MYH10: variants seen among roughly 807,000 people sequenced by gnomAD.
MYH10 encodes myosin-10.
MYH10 carries 55 observed loss-of-function variants against 257.8 expected under a neutral mutation model. The ratio of observed to expected loss-of-function variants is 0.21; its 90% confidence interval spans 0.17 to 0.27. The LOEUF (loss-of-function observed/expected upper bound fraction) is 0.27. MYH10 is among the 10% of genes least tolerant of loss of function. MYH10 has a pLI of 1.00. For missense variants in MYH10, 1,631 were observed against 2,500.6 expected (o/e 0.65, Z 7.42); for synonymous variants, 854 against 921.7 (o/e 0.93, Z 1.33).
Position 8,535,120 on chromosome 17 carries a change from C to G in MYH10, c.1894+267G>C, listed in dbSNP as rs891993804. On this transcript the variant is annotated intron_variant, in intron 16 of 42. Coordinates refer to ENST00000360416, the MANE Select transcript of MYH10 (RefSeq NM_001256012.3). This position sits in a 1 kb window ranked among gnomAD's most constrained non-coding sequence, Gnocchi z 4.3. Reference sequence around the variant, plus strand: ...TGGGACTGTGGTGGCCTAAGTCATACGTGTACGTCTTTGTGGCTCCGGGCC... The same window carrying G: ...TGGGACTGTGGTGGCCTAAGTCATAGGTGTACGTCTTTGTGGCTCCGGGCC... Among the ~76,000 whole-genome samples, 2 of 152,094 alleles carry G rather than the reference C, an allele frequency of 1.3e-5. No individual in the cohort carries two copies. Among genetic ancestry groups the G allele is most frequent in the African/African-American group, 4.8e-5 (2 of 41,406 alleles).
rs565562986 is a variant in MYH10 at position 8,545,288 on chromosome 17, C to T, written c.1431+160G>A. Among the ~76,000 whole-genome samples the T allele has an allele frequency of 9.9e-5, 15 of 152,206 alleles. No individual in the cohort carries two copies. Among genetic ancestry groups the T allele is most frequent in the Non-Finnish European group, 2.2e-4 (15 of 68,040 alleles). ...CTTTCAGTGCATTCTCACAGACCTGCGGATTCACTGATTATTTGCCATTTA... is the reference window on the plus strand; with the variant it reads ...CTTTCAGTGCATTCTCACAGACCTGTGGATTCACTGATTATTTGCCATTTA... On this transcript the variant is annotated intron_variant, in intron 13 of 42. Transcript: ENST00000360416. The surrounding 1 kb of genome is among the most constrained non-coding windows in gnomAD (Gnocchi z 4.7).
chr17:8,560,619 G>A, intron 7 of MYH10: 1 of 899,674 alleles, frequency 1.1e-6, no homozygotes, highest in East Asian at 4.1e-5. Context: ...TTGGTTATAA[G>A]GGTTCCTGCT....
chr17:8,515,295 A>G (rs1001315288), intron 21 of MYH10, among the ~76,000 whole-genome samples: 2 of 152,194 alleles, frequency 1.3e-5, no homozygotes, highest in Non-Finnish European at 2.9e-5. Flanking sequence ...TCACTCCAGC[A>G]AACAGCGGTA....
At chr17:8,479,390 A>G (rs934914260) in intron 40 of MYH10, among the ~76,000 whole-genome samples, 1 of 152,218 alleles carries the variant, frequency 6.6e-6, no homozygotes, top group Admixed American at 6.5e-5. Flanking sequence ...TTGCTTAACA[A>G]ATATTATGCA....
rs901299912 is a variant in MYH10 at position 8,528,157 on chromosome 17, G to A, written c.1957+2466C>T. On this transcript the variant is annotated intron_variant, in intron 17 of 42. Coordinates refer to ENST00000360416, the MANE Select transcript of MYH10 (RefSeq NM_001256012.3). Reference sequence around the variant, plus strand: ...ACATGGAGGTTCAAAGAGCCTAACTGGTGCTGTTCTATGAAGGAAATTGCA... The same window carrying A: ...ACATGGAGGTTCAAAGAGCCTAACTAGTGCTGTTCTATGAAGGAAATTGCA... 5.9e-5 allele frequency among the ~76,000 whole-genome samples: 9 copies of A among 152,296 alleles called. 1 individual carries two copies. The highest frequency in any genetic ancestry group is 1.3e-4 in the Admixed American group (2 of 15,304).
chr17:8,519,025 T>A, intron 19 of MYH10, 75 bp from the exon 20 acceptor site: 1 of 1,148,642 alleles, frequency 8.7e-7, no homozygotes, highest in Non-Finnish European at 1.3e-6. Context: ...TGTGTTTTGC[T>A]CTAAGAGGCA....
At chr17:8,576,766 TG>T (rs1162376080) in intron 5 of MYH10, 94 bp from the exon 6 acceptor site, 2 of 1,216,820 alleles carry the variant, frequency 1.6e-6, no homozygotes, top group African/African-American at 3.0e-5. Flanking sequence ...AATGTGCAGT[TG>T]AGAACTGTGG....
chr17:8,506,578 T>C lies in MYH10; in HGVS notation c.3215-89A>G. 1 of 1,373,878 alleles carries C rather than the reference T, an allele frequency of 7.3e-7. No individual in the cohort carries two copies. The highest frequency in any genetic ancestry group is 1.3e-5 in the South Asian group (1 of 75,332). 85.1% of individuals were successfully genotyped at this position (1,373,878 alleles called of 1,614,324 possible). ...AATACAGACTGATCCAAGTTGAAAA[T>C]AAGCCATTTTATTCAAAAGCATGTC... is the stretch of plus-strand genomic sequence containing the variant. On this transcript the variant is annotated intron_variant, in intron 26 of 42. Coordinates refer to ENST00000360416, the MANE Select transcript of MYH10 (RefSeq NM_001256012.3). This position sits in a 1 kb window ranked among gnomAD's most constrained non-coding sequence, Gnocchi z 5.0.
At chr17:8,488,221 C>T (rs1567781964) in intron 35 of MYH10, among the ~76,000 whole-genome samples, 1 of 152,192 alleles carries the variant, frequency 6.6e-6, no homozygotes, top group Admixed American at 6.5e-5. Flanking sequence ...CACTCTGTGG[C>T]ACTCTTCACT....
chr17:8,513,919 T>C (rs1031926619), intron 21 of MYH10, 25 bp from the exon 22 acceptor site: 27 of 1,596,872 alleles, frequency 1.7e-5, no homozygotes, highest in South Asian at 3.4e-5. Context: ...GAAAAACTTA[T>C]GATGTAAAGA....
intron 3 of MYH10, among the ~76,000 whole-genome samples, chr17:8,596,618 GC>G: frequency 7.2e-6 from 1 of 138,020 alleles, no homozygotes; most frequent in Middle Eastern, 3.8e-3. Context: ...TTCTTAAAAT[GC>G]TTATTCTTAA....
chr17:8,501,647 A>AG (rs2080899987), intron 28 of MYH10, among the ~76,000 whole-genome samples: 1 of 152,124 alleles, frequency 6.6e-6, no homozygotes, highest in African/African-American at 2.4e-5. Context: ...GTTGGGGAGG[A>AG]GGGCATTATC....
chr17:8,565,606 T>C (rs139437812), intron 7 of MYH10, among the ~76,000 whole-genome samples: 4 of 152,350 alleles, frequency 2.6e-5, no homozygotes, highest in African/African-American at 9.6e-5. Context: ...CTAAGAACAA[T>C]GCCCTAATAA....
Position 8,480,310 on chromosome 17 carries a change from T to C in MYH10, c.5397A>G (p.Thr1799=), listed in dbSNP as rs1404130767. 7.4e-6 allele frequency: 12 copies of C among 1,613,972 alleles called. No individual in the cohort carries two copies. Among genetic ancestry groups the C allele is most frequent in the Non-Finnish European group, 1.0e-5 (12 of 1,180,016 alleles). ...GCTCGGCTGCTAGCTCGGCGTTCAG[T>C]GTGTCCACCTAGAGAGGAGAGAGGA... is the stretch of plus-strand genomic sequence containing the variant. The part of the protein sequence containing the change: ...RFRKTTLQVD[T]LNAELAAERS... Residue 1799 remains threonine (T), a synonymous_variant, in exon 40 of 43, where the codon ACA becomes ACG. Transcript: ENST00000360416.
intron 6 of MYH10, among the ~76,000 whole-genome samples, chr17:8,570,698 G>T (rs1052195961): frequency 3.9e-5 from 6 of 151,944 alleles, no homozygotes; most frequent in African/African-American, 1.5e-4. Flanking sequence ...CTAAATAAAA[G>T]CTGCTAGGAA....
chr17:8,565,575 T>G (rs1251902667), intron 7 of MYH10, among the ~76,000 whole-genome samples: 1 of 152,232 alleles, frequency 6.6e-6, no homozygotes, highest in Non-Finnish European at 1.5e-5. Flanking sequence ...CTCTGTTTCT[T>G]GGTCGAATTG....
intron 13 of MYH10, among the ~76,000 whole-genome samples, chr17:8,543,480 G>T (rs976227102): frequency 5.0e-5 from 7 of 140,964 alleles, no homozygotes; most frequent in Admixed American, 7.1e-5. Flanking sequence ...TACAAAGAAG[G>T]TTTTTTTTTT....
At chr17:8,479,485 T>G (rs1913294876) in intron 40 of MYH10, among the ~76,000 whole-genome samples, 1 of 152,224 alleles carries the variant, frequency 6.6e-6, no homozygotes, top group Admixed American at 6.5e-5. Context: ...TTCAGCCCAC[T>G]GGAGTCCAAA....
At chr17:8,495,097 T>C in intron 31 of MYH10, 40 bp downstream of exon 31, 1 of 1,199,960 alleles carries the variant, frequency 8.3e-7, no homozygotes, top group Non-Finnish European at 1.2e-6. Flanking sequence ...ATTACAGAAA[T>C]GTTAGTTATT....
Sources: gnomAD v4.1 joint callset for allele counts (sites outside exome capture counted in the v4.1 genomes callset) on GRCh38, gnomAD v4.1.1 for gene constraint, Gnocchi (gnomAD v3.1) non-coding constraint, MANE v1.5 for transcripts, NCBI Gene and HGNC (gene_info 2026-07-23, HGNC 2026-07-21) for gene names.